CAMSAP3: variants seen among roughly 807,000 people sequenced by gnomAD.
CAMSAP3 encodes the protein calmodulin regulated spectrin associated protein family member 3.
CAMSAP3 carries 34 observed loss-of-function variants against 112.5 expected under a neutral mutation model. The ratio of observed to expected loss-of-function variants is 0.30; its 90% CI spans 0.23 to 0.40. The LOEUF (loss-of-function observed/expected upper bound fraction) is 0.40, where lower values mean the gene tolerates loss of function less well. Among genes scored for constraint, CAMSAP3 ranks in the 10% least tolerant of loss-of-function variants. CAMSAP3 has a pLI of 1.00. For synonymous variants in CAMSAP3, 868 were observed against 799.8 expected (o/e 1.09, Z -1.44); for missense variants, 1,602 against 1,770.3 (o/e 0.90, Z 1.71).
At chr19:7,598,820 G>A (rs950787108) in intron 1 of CAMSAP3, among the ~76,000 whole-genome samples, 1 of 151,768 alleles carries the variant, frequency 6.6e-6, no homozygotes, top group Admixed American at 6.6e-5. Flanking sequence ...AACACATTTG[G>A]AAAACACCCC....
In CAMSAP3 at chr19:7,611,448, C is replaced by A; in HGVS notation, c.1124-69C>A. The stretch of plus-strand genomic sequence containing the variant: ...ACCCAATGACCTTGCAGAGGTTGTC[C>A]CCAGATGCTGGCTGACCCCACTCAG... On this transcript the variant is annotated intron_variant, in intron 9 of 16. Transcript: ENST00000160298. This position sits in a 1 kb window ranked among gnomAD's most constrained non-coding sequence, Gnocchi z 6.9. The A allele has an allele frequency of 6.9e-7, 1 of 1,456,836 alleles. No homozygotes were observed. The highest frequency in any genetic ancestry group is 1.8e-4 in the Middle Eastern group (1 of 5,580). The allele number at this position is 1,456,836 out of a possible 1,614,324, so 90.2% of individuals were successfully genotyped here.
At chr19:7,606,151 G>GGC in intron 2 of CAMSAP3, 120 bp from the exon 3 acceptor site, 1 of 151,402 alleles carries the variant, frequency 6.6e-6, no homozygotes, top group Non-Finnish European at 1.2e-5. Flanking sequence ...GCCCCCTCAA[G>GGC]CCCCACCCCC....
At position 7,612,436 on chromosome 19, in the gene CAMSAP3, A is replaced by G. The variant is rs59128161; in HGVS notation, c.1943A>G (p.Glu648Gly). 918 of 1,589,744 alleles carry G rather than the reference A, an allele frequency of 5.8e-4. 9 individuals carry two copies. The African/African-American group carries it at 0.011, about 18-fold the overall frequency. The change falls in exon 11 of 17, where the codon GAG (glutamate) becomes GGG (glycine). Residue 648 changes from glutamate to glycine, a missense_variant. Physicochemically the swap from Glu to Gly is moderately conservative, Grantham distance 98. Transcript: ENST00000160298. ...LQVQPREASGEAEAEAEEADS... is the reference protein window; with the variant it reads ...LQVQPREASGGAEAEAEEADS... ...GTGCAGCCGCGGGAAGCCTCTGGGG[A>G]GGCGGAAGCAGAGGCGGAGGAGGCC... is the stretch of plus-strand genomic sequence containing the variant.
chr19:7,609,547 T>C (rs1436951358), intron 5 of CAMSAP3, among the ~76,000 whole-genome samples: 1 of 152,110 alleles, frequency 6.6e-6, no homozygotes, highest in Non-Finnish European at 1.5e-5. Flanking sequence ...ACTTTTTGGC[T>C]CCAGGGACCG....
At position 7,615,631 on chromosome 19, in the gene CAMSAP3, A is replaced by G; in HGVS notation, c.3024A>G (p.Pro1008=). ...CCCGGGCTGCGGGGTCCGGGGGTCC[A>G]GGTCGGGGCGGGCGGAGGGCCACCC... The part of the protein sequence containing the change: ...LRPRAAGSGG[P]GRGGRRATRP... Residue 1008 remains proline (P), a synonymous_variant, in exon 13 of 17, where the codon CCA becomes CCG. Coordinates refer to ENST00000160298, the MANE Select transcript of CAMSAP3 (RefSeq NM_020902.2). This position sits in a 1 kb window ranked among gnomAD's most constrained non-coding sequence, Gnocchi z 6.5. 7.0e-7 allele frequency: 1 copy of G among 1,438,242 alleles called. No individual in the cohort carries two copies. 89.1% of individuals were successfully genotyped at this position (1,438,242 alleles called of 1,614,324 possible). A position where few individuals can be genotyped will look rare whatever the true frequency, so the allele number is the denominator to read the frequency against.
Position 7,617,318 on chromosome 19 carries a change from C to G in CAMSAP3, c.3213-8C>G. ...CCCCACCTCCATCCCATCCTTCTCC[C>G]ACTGCAGGGCTCCCTCCCCGTCAGG... On this transcript the variant is annotated splice_polypyrimidine_tract_variant and splice_region_variant and intron_variant, in intron 14 of 16. Coordinates refer to ENST00000160298, the MANE Select transcript of CAMSAP3 (RefSeq NM_020902.2). This position sits in a 1 kb window ranked among gnomAD's most constrained non-coding sequence, Gnocchi z 7.5. The G allele has an allele frequency of 2.5e-6, 4 of 1,604,988 alleles. No homozygotes were observed. Among genetic ancestry groups the G allele is most frequent in the Non-Finnish European group, 3.4e-6 (4 of 1,171,724 alleles).
chr19:7,612,566 G>T lies in CAMSAP3; in HGVS notation c.2073G>T (p.Val691=), dbSNP rs756534825. 4 of 1,534,858 alleles carry T rather than the reference G, an allele frequency of 2.6e-6. No individual in the cohort carries two copies. The highest frequency in any genetic ancestry group is 3.5e-6 in the Non-Finnish European group (4 of 1,145,434). The change falls in exon 11 of 17, where the codon GTG becomes GTT. Residue 691 remains valine (V), a synonymous_variant. Coordinates refer to ENST00000160298, the MANE Select transcript of CAMSAP3 (RefSeq NM_020902.2). The part of the protein sequence containing the change: ...AVTFSPDLGP[V]PHEGLGEYNR... ...CCTTCTCGCCAGACCTGGGCCCGGT[G>T]CCCCACGAGGGGCTGGGGGAATACA...
intron 1 of CAMSAP3, among the ~76,000 whole-genome samples, chr19:7,599,798 CCCGCCCATCCAT>C (rs1292337516): frequency 1.8e-5 from 1 of 55,198 alleles, no homozygotes; most frequent in African/African-American, 7.9e-5. Context: ...CATCCATCCA[CCCGCCCATCCAT>C]CCACCCACCC....
At chr19:7,616,934 CTT>C (rs545769780) in intron 14 of CAMSAP3, among the ~76,000 whole-genome samples, 3 of 83,038 alleles carry the variant, frequency 3.6e-5, no homozygotes, top group Admixed American at 1.6e-4. Flanking sequence ...TGTGGCCCGC[CTT>C]TTTTTTTTTT....
At chr19:7,599,982 T>C (rs1418855009) in intron 1 of CAMSAP3, among the ~76,000 whole-genome samples, 1 of 3,176 alleles carries the variant, frequency 3.1e-4, no homozygotes, top group Non-Finnish European at 5.2e-4. Context: ...CACCCACCCA[T>C]CCACCCATCC....
At chr19:7,598,411 G>C (rs753292757) in intron 1 of CAMSAP3, among the ~76,000 whole-genome samples, 1 of 152,120 alleles carries the variant, frequency 6.6e-6, no homozygotes, top group Non-Finnish European at 1.5e-5. Flanking sequence ...TGGATCCAAG[G>C]GTACTGGGGA....
intron 13 of CAMSAP3, 173 bp from the exon 14 acceptor site, chr19:7,616,350 G>A: frequency 1.7e-6 from 1 of 577,942 alleles, no homozygotes. Context: ...CCACTTGCCT[G>A]CTGGGCAAAG....
chr19:7,601,824 G>T (rs1395477787), intron 1 of CAMSAP3, among the ~76,000 whole-genome samples: 1 of 152,078 alleles, frequency 6.6e-6, no homozygotes, highest in Non-Finnish European at 1.5e-5. Context: ...CAGCACTTTG[G>T]GAGGCTAAGG....
At chr19:7,613,999 T>C (rs1239495755) in intron 11 of CAMSAP3, among the ~76,000 whole-genome samples, 4 of 152,074 alleles carry the variant, frequency 2.6e-5, no homozygotes, top group Non-Finnish European at 5.9e-5. Context: ...CAGTGGCTCA[T>C]GCCTGTAATC....
rs900941966 is a variant in CAMSAP3 at position 7,607,078 on chromosome 19, G to A, written c.621+507G>A. On this transcript the variant is annotated intron_variant, in intron 4 of 16. Transcript: ENST00000160298. The surrounding 1 kb of genome is among the most constrained non-coding windows in gnomAD (Gnocchi z 4.9). Reference sequence around the variant, plus strand: ...ACTTCCCCTCCCGTTATTCAGAAGGGCAAGCCCTCCCCGTTCCCATTAATG... The same window carrying A: ...ACTTCCCCTCCCGTTATTCAGAAGGACAAGCCCTCCCCGTTCCCATTAATG... Among the ~76,000 whole-genome samples the A allele has an allele frequency of 3.9e-5, 6 of 152,148 alleles. No individual in the cohort carries two copies. Among genetic ancestry groups the A allele is most frequent in the Admixed American group, 3.9e-4 (6 of 15,274 alleles).
chr19:7,605,662 G>T (rs1245747386), intron 2 of CAMSAP3, among the ~76,000 whole-genome samples, 183 bp downstream of exon 2: 3 of 147,582 alleles, frequency 2.0e-5, no homozygotes, highest in Non-Finnish European at 4.5e-5. Flanking sequence ...CTCCCACCAG[G>T]CCTGGCTCCT....
At chr19:7,599,147 G>C (rs963323075) in intron 1 of CAMSAP3, among the ~76,000 whole-genome samples, 1 of 151,742 alleles carries the variant, frequency 6.6e-6, no homozygotes, top group Non-Finnish European at 1.5e-5. Flanking sequence ...CTCCAGCCTG[G>C]GCAACAGAGT....
At position 7,615,827 on chromosome 19, in the gene CAMSAP3, C is replaced by T. The variant is rs139605434; in HGVS notation, c.3112+108C>T. On this transcript the variant is annotated intron_variant, in intron 13 of 16. Coordinates refer to ENST00000160298, the MANE Select transcript of CAMSAP3 (RefSeq NM_020902.2). The surrounding 1 kb of genome is among the most constrained non-coding windows in gnomAD (Gnocchi z 6.5). ...GGGAGGGAGATGTAAGCAGGGGTGC[C>T]GGGAGGGGGCGGGTATGTGGGGTGA... 2,640 of 7,704 alleles carry T rather than the reference C, an allele frequency of 0.34. 125 individuals are homozygous for T. Among genetic ancestry groups the T allele is most frequent in the East Asian group, 0.52 (1,180 of 2,272 alleles). The allele number at this position is 7,704 out of a possible 1,614,324, so 0.5% of individuals were successfully genotyped here.
chr19:7,612,790 C>G lies in CAMSAP3; in HGVS notation c.2297C>G (p.Thr766Ser), dbSNP rs1159292112. The change falls in exon 11 of 17, where the codon ACC (threonine) becomes AGC (serine). Residue 766 changes from threonine to serine, a missense_variant. By Grantham distance (58) the Thr-to-Ser change is moderately conservative. This residue lies in a region of CAMSAP3 where 1,100 missense variants were observed against 1,135.7 expected (regional missense o/e 0.97). Coordinates refer to ENST00000160298, the MANE Select transcript of CAMSAP3 (RefSeq NM_020902.2). ...AGCCCCGCCCGGCGAGTCCCGGCCACCCGGCGCAGCCCTGGGCCCGGGCCC... is the reference window on the plus strand; with the variant it reads ...AGCCCCGCCCGGCGAGTCCCGGCCAGCCGGCGCAGCCCTGGGCCCGGGCCC... The part of the protein sequence containing the change: ...SPSPARRVPA[T>S]RRSPGPGPSQ... 1 of 1,533,130 alleles carries G rather than the reference C, an allele frequency of 6.5e-7. No homozygotes were observed. The highest frequency in any genetic ancestry group is 8.7e-7 in the Non-Finnish European group (1 of 1,145,698). The allele number at this position is 1,533,130 out of a possible 1,614,324, so 95.0% of individuals were successfully genotyped here. A position where few individuals can be genotyped will look rare whatever the true frequency, so the allele number is the denominator to read the frequency against.
Sources: gnomAD v4.1 joint callset for allele counts (sites outside exome capture counted in the v4.1 genomes callset) on GRCh38, gnomAD v4.1.1 for gene constraint, gnomAD v4.1.1 regional missense constraint, Gnocchi (gnomAD v3.1) non-coding constraint, MANE v1.5 for transcripts, NCBI Gene and HGNC (gene_info 2026-07-23, HGNC 2026-07-21) for gene names.